The following ARHGAP15 variants were observed in gnomAD, a reference collection of about 807,000 sequenced individuals.
The protein encoded by ARHGAP15 is Rho GTPase activating protein 15.
A neutral mutation model predicts 63.7 loss-of-function variants in ARHGAP15; 51 were observed. The observed-to-expected ratio is 0.80, with a 90% confidence interval of 0.64 to 1.01. The LOEUF is 1.01. Among genes scored for constraint, ARHGAP15 ranks in the 50% least tolerant of loss-of-function variants. The probability of loss-of-function intolerance (pLI) is 0.00; values close to 1 mark genes in which losing one functional copy is unlikely to be tolerated. For synonymous variants in ARHGAP15, 191 were observed against 193.8 expected (o/e 0.99, Z 0.12); for missense variants, 560 against 564.6 (o/e 0.99, Z 0.08).
chr2:143,220,836 G>C (rs1692965490), intron 4 of ARHGAP15, among the ~76,000 whole-genome samples: 1 of 151,644 alleles, frequency 6.6e-6, no homozygotes, highest in Non-Finnish European at 1.5e-5. Flanking sequence ...AATATTAATA[G>C]ATGCTTACTC....
chr2:143,274,813 A>G (rs1291629400), intron 6 of ARHGAP15, among the ~76,000 whole-genome samples: 1 of 152,164 alleles, frequency 6.6e-6, no homozygotes, highest in Non-Finnish European at 1.5e-5. Context: ...CTAACAATGT[A>G]TAACTGAAAA....
At chr2:143,467,242 C>CTTTTTT (rs202115707) in intron 8 of ARHGAP15, among the ~76,000 whole-genome samples, 1 of 57,912 alleles carries the variant, frequency 1.7e-5, no homozygotes, top group African/African-American at 7.5e-5. Context: ...ACTCCATGGC[C>CTTTTTT]TTTTTTTTTT....
intron 8 of ARHGAP15, among the ~76,000 whole-genome samples, chr2:143,450,321 C>T (rs1438975775): frequency 6.6e-6 from 1 of 151,724 alleles, no homozygotes; most frequent in Non-Finnish European, 1.5e-5. Flanking sequence ...ATTAAAATTT[C>T]CTTTACCTTC....
At chr2:143,740,070 TTA>T (rs1375275769) in intron 13 of ARHGAP15, among the ~76,000 whole-genome samples, 4 of 152,180 alleles carry the variant, frequency 2.6e-5, no homozygotes, top group East Asian at 3.9e-4. Context: ...GTTTGAGAGA[TTA>T]TGTTTCCACA....
chr2:143,207,656 T>C (rs1692393014), intron 3 of ARHGAP15, among the ~76,000 whole-genome samples: 1 of 152,118 alleles, frequency 6.6e-6, no homozygotes, highest in Admixed American at 6.6e-5. Flanking sequence ...ATTCAACTTT[T>C]ATCCATCAAT....
intron 6 of ARHGAP15, among the ~76,000 whole-genome samples, chr2:143,323,854 C>A (rs1238862335): frequency 4.7e-5 from 6 of 127,516 alleles, no homozygotes; most frequent in Admixed American, 1.9e-4. Context: ...GAGATCGCAC[C>A]ACTGCACTCC....
At chr2:143,501,141 C>A (rs1693036258) in intron 9 of ARHGAP15, among the ~76,000 whole-genome samples, 1 of 152,142 alleles carries the variant, frequency 6.6e-6, no homozygotes, top group Non-Finnish European at 1.5e-5. Context: ...AAAGTGATAT[C>A]TTGAGGATAT....
At chr2:143,453,236 C>T (rs1690489358) in intron 8 of ARHGAP15, among the ~76,000 whole-genome samples, 1 of 151,988 alleles carries the variant, frequency 6.6e-6, no homozygotes, top group African/African-American at 2.4e-5. Flanking sequence ...ACCAAGCAGT[C>T]TAACTTCACA....
intron 11 of ARHGAP15, among the ~76,000 whole-genome samples, chr2:143,562,257 G>C (rs1005144140): frequency 6.6e-6 from 1 of 152,066 alleles, no homozygotes; most frequent in African/African-American, 2.4e-5. Context: ...ATCAAAAATT[G>C]AATAAAAGAA....
At chr2:143,567,826 C>T (rs1396295639) in intron 11 of ARHGAP15, among the ~76,000 whole-genome samples, 4 of 152,158 alleles carry the variant, frequency 2.6e-5, no homozygotes, top group Non-Finnish European at 5.9e-5. Context: ...ACACCTCTGG[C>T]TCAAATTACA....
chr2:143,651,758 G>A (rs1681175973), intron 12 of ARHGAP15, among the ~76,000 whole-genome samples: 1 of 151,892 alleles, frequency 6.6e-6, no homozygotes, highest in Non-Finnish European at 1.5e-5. Context: ...AGCCATTTAA[G>A]TAGGTTTGTA....
At chr2:143,467,736 G>A (rs537082315) in intron 8 of ARHGAP15, among the ~76,000 whole-genome samples, 1 of 152,118 alleles carries the variant, frequency 6.6e-6, no homozygotes, top group East Asian at 1.9e-4. Flanking sequence ...AGAAGAACAA[G>A]ATTTTCATGC....
intron 12 of ARHGAP15, among the ~76,000 whole-genome samples, chr2:143,667,483 G>C (rs1464038046): frequency 6.7e-6 from 1 of 148,620 alleles, no homozygotes; most frequent in Non-Finnish European, 1.5e-5. Flanking sequence ...TGACGAGTTA[G>C]TGGGTGCAGC....
At chr2:143,753,564 C>T (rs532931460) in intron 13 of ARHGAP15, among the ~76,000 whole-genome samples, 38 of 152,230 alleles carry the variant, frequency 2.5e-4, no homozygotes, top group African/African-American at 9.1e-4. Flanking sequence ...ATTCCTTCAA[C>T]GTAGTACAGA....
At chr2:143,251,334 A>G (rs1213421966) in intron 6 of ARHGAP15, among the ~76,000 whole-genome samples, 2 of 152,056 alleles carry the variant, frequency 1.3e-5, no homozygotes, top group Admixed American at 6.6e-5. Context: ...GAATTTATAT[A>G]ATTTAGTAGA....
intron 8 of ARHGAP15, among the ~76,000 whole-genome samples, chr2:143,470,474 A>G (rs948498678): frequency 6.6e-6 from 1 of 151,346 alleles, no homozygotes; most frequent in Non-Finnish European, 1.5e-5. Context: ...TAGAAACAAG[A>G]GATTAAGAGT....
intron 12 of ARHGAP15, among the ~76,000 whole-genome samples, chr2:143,655,211 C>A (rs1189477351): frequency 6.6e-6 from 1 of 152,146 alleles, no homozygotes; most frequent in East Asian, 1.9e-4. Context: ...GTGCACCCAT[C>A]TCCCGAGCAG....
chr2:143,159,459 G>A (rs1407495137), intron 2 of ARHGAP15, among the ~76,000 whole-genome samples: 3 of 151,836 alleles, frequency 2.0e-5, no homozygotes, highest in East Asian at 1.9e-4. Context: ...TAGGTTTGAG[G>A]CTTTGTTTGT....
intron 12 of ARHGAP15, among the ~76,000 whole-genome samples, chr2:143,688,932 T>C (rs1683472203): frequency 6.6e-6 from 1 of 152,202 alleles, no homozygotes; most frequent in Non-Finnish European, 1.5e-5. Flanking sequence ...ACCACCTCGA[T>C]AATATTTTCT....
Sources: gnomAD v4.1 joint callset for allele counts (sites outside exome capture counted in the v4.1 genomes callset) on GRCh38, gnomAD v4.1.1 for gene constraint, MANE v1.5 for transcripts, NCBI Gene and HGNC (gene_info 2026-07-23, HGNC 2026-07-21) for gene names.